The following FAM177B variants were observed in gnomAD, a reference collection of about 807,000 sequenced individuals.
The protein encoded by FAM177B is protein FAM177B.
Under a neutral mutation model 16.1 loss-of-function variants are expected in FAM177B, and 16 were observed. That is an observed-to-expected ratio of 0.99 (90% confidence interval 0.67 to 1.51). FAM177B has a LOEUF of 1.51. FAM177B is among the 40% of genes most tolerant of loss of function. The pLI is 0.00. For synonymous variants in FAM177B, 56 were observed against 59.9 expected, an observed-to-expected ratio of 0.93 and a Z score of 0.30; for missense variants, 178 against 183.7, an observed-to-expected ratio of 0.97 and a Z score of 0.18.
chr1:222,746,348 T>C (rs1004427821), intron 2 of FAM177B, among the ~76,000 whole-genome samples, 183 bp from the exon 3 acceptor site: 1 of 152,258 alleles, frequency 6.6e-6, no homozygotes, highest in African/African-American at 2.4e-5. Flanking sequence ...ACGTTTTCGC[T>C]ATTTATCAAA....
chr1:222,745,168 A>G (rs369250983), intron 2 of FAM177B, among the ~76,000 whole-genome samples: 2 of 152,222 alleles, frequency 1.3e-5, no homozygotes, highest in African/African-American at 2.4e-5. Flanking sequence ...TTGTTTATCC[A>G]TCGTCAGTGG....
intron 3 of FAM177B, 115 bp downstream of exon 3, chr1:222,746,834 C>CT: frequency 1.9e-6 from 2 of 1,043,934 alleles, no homozygotes; most frequent in Non-Finnish European, 1.4e-6. Flanking sequence ...CCTTGGTCTC[C>CT]TTTTTTGCTT....
At chr1:222,744,856 C>T (rs1186980240) in intron 2 of FAM177B, among the ~76,000 whole-genome samples, 2 of 152,144 alleles carry the variant, frequency 1.3e-5, no homozygotes, top group African/African-American at 4.8e-5. Flanking sequence ...ACAAATTATA[C>T]AGTCAAGTAA....
intron 2 of FAM177B, among the ~76,000 whole-genome samples, chr1:222,744,244 G>T (rs1658682998): frequency 6.6e-6 from 1 of 152,156 alleles, no homozygotes; most frequent in Non-Finnish European, 1.5e-5. Flanking sequence ...GCCGAGGCGG[G>T]TGGATCACCT....
In FAM177B at chr1:222,744,802, C is replaced by T. The variant is rs1248463873; in HGVS notation, c.-15-1729C>T. ...GCTTTATTAAGATATACCTTAAATACAATAAAATGAACTAATTTTAAGTGT... is the reference window on the plus strand; with the variant it reads ...GCTTTATTAAGATATACCTTAAATATAATAAAATGAACTAATTTTAAGTGT... On this transcript the variant is annotated intron_variant, in intron 2 of 5. Transcript: ENST00000445590. Among the ~76,000 whole-genome samples the T allele has an allele frequency of 2.6e-5, 4 of 152,106 alleles. No homozygotes were observed. The East Asian group carries it at 7.7e-4, about 29-fold the overall frequency.
intron 2 of FAM177B, among the ~76,000 whole-genome samples, chr1:222,739,298 A>G (rs775210497): frequency 1.3e-5 from 2 of 152,348 alleles, no homozygotes; most frequent in Middle Eastern, 3.4e-3. Flanking sequence ...GAAAAAAAAT[A>G]GACAAGATGT....
chr1:222,739,646 T>A (rs1239521178), intron 2 of FAM177B: 1 of 152,160 alleles, frequency 6.6e-6, no homozygotes, highest in Non-Finnish European at 1.5e-5. Context: ...TCAAACATGT[T>A]CCACCCTGTA....
intron 2 of FAM177B, among the ~76,000 whole-genome samples, chr1:222,742,838 A>G (rs1335321856): frequency 2.6e-5 from 4 of 152,088 alleles, no homozygotes; most frequent in Non-Finnish European, 5.9e-5. Flanking sequence ...TTCTTTTCCA[A>G]GTCAGTCTTC....
At position 222,746,697 on chromosome 1, in the gene FAM177B, G is replaced by C; in HGVS notation, c.152G>C (p.Ser51Thr). The change falls in exon 3 of 6, where the codon AGC becomes ACC. Residue 51 changes from serine to threonine, a missense_variant. Ser to Thr is a moderately conservative substitution (Grantham distance 58). Coordinates refer to ENST00000445590, the MANE Select transcript of FAM177B (RefSeq NM_001394345.1). ...EEEEEEKEEQ[S>T]TNSTLDPSKL... ...GAGGAAGAGGAAAAGGAGGAGCAGA[G>C]CACAAATTCAACACTTGACCCTGTA... 2 of 1,612,248 alleles carry C rather than the reference G, an allele frequency of 1.2e-6. No homozygotes were observed. Among genetic ancestry groups the C allele is most frequent in the Non-Finnish European group, 1.7e-6 (2 of 1,178,984 alleles).
At chr1:222,746,784 G>A (rs1658819313) in intron 3 of FAM177B, 65 bp downstream of exon 3, 2 of 1,339,026 alleles carry the variant, frequency 1.5e-6, no homozygotes, top group Non-Finnish European at 2.1e-6. Flanking sequence ...AAGAGATTGA[G>A]CCAGACAAGG....
At chr1:222,748,914 A>G (rs766494109) in intron 4 of FAM177B, 1 of 402,586 alleles carries the variant, frequency 2.5e-6, no homozygotes, top group Non-Finnish European at 5.1e-6. Flanking sequence ...TTAGGAAACC[A>G]CTCATTATTC....
At position 222,749,041 on chromosome 1, in the gene FAM177B, A is replaced by G. The variant is rs142105025; in HGVS notation, c.242-424A>G. 2,033 of 472,300 alleles carry G rather than the reference A, an allele frequency of 4.3e-3. 10 individuals carry two copies. The highest frequency in any genetic ancestry group is 6.3e-3 in the South Asian group (406 of 64,480). The allele number at this position is 472,300 out of a possible 1,614,324, so 29.3% of individuals were successfully genotyped here. A position where few individuals can be genotyped will look rare whatever the true frequency, so the allele number is the denominator to read the frequency against. On this transcript the variant is annotated intron_variant, in intron 4 of 5. Transcript: ENST00000445590. ...ACTTCTGAGAAGTCTGTCTGGATGCATGGAAGAATTCCTGATGTGGGTCTT... is the reference window on the plus strand; with the variant it reads ...ACTTCTGAGAAGTCTGTCTGGATGCGTGGAAGAATTCCTGATGTGGGTCTT...
At position 222,750,265 on chromosome 1, in the gene FAM177B, A is replaced by G; in HGVS notation, c.*207A>G. 3 of 1,364,192 alleles carry G rather than the reference A, an allele frequency of 2.2e-6. No homozygotes were observed. The highest frequency in any genetic ancestry group is 2.8e-6 in the Non-Finnish European group (3 of 1,063,712). 84.5% of individuals were successfully genotyped at this position (1,364,192 alleles called of 1,614,324 possible). On this transcript the variant is annotated 3_prime_UTR_variant, in exon 6 of 6. Coordinates refer to ENST00000445590, the MANE Select transcript of FAM177B (RefSeq NM_001394345.1). ...CAAGCAATAATGAGAGTAATTTTGG[A>G]CACTTTCTCAGAATAATTTCTATAT...
chr1:222,749,795 T>C, intron 5 of FAM177B, 126 bp from the exon 6 acceptor site: 1 of 1,014,862 alleles, frequency 9.9e-7, no homozygotes, highest in Non-Finnish European at 1.5e-6. Flanking sequence ...TAGAAGAAGG[T>C]AGTTGGGTGA....
chr1:222,743,763 G>A (rs1280928985), intron 2 of FAM177B, among the ~76,000 whole-genome samples: 1 of 152,120 alleles, frequency 6.6e-6, no homozygotes, highest in Non-Finnish European at 1.5e-5. Context: ...TTATAGATAA[G>A]ATAGTATTTT....
intron 4 of FAM177B, chr1:222,748,884 A>G (rs1265381377): frequency 2.8e-6 from 1 of 361,018 alleles, no homozygotes; most frequent in African/African-American, 2.2e-5. Flanking sequence ...TGTAAAGGAA[A>G]ACTTTTCTAG....
Position 222,749,949 on chromosome 1 carries a change from G to A in FAM177B, c.368G>A (p.Gly123Glu), listed in dbSNP as rs376729517. The A allele has an allele frequency of 6.2e-7, 1 of 1,614,094 alleles. No individual in the cohort carries two copies. The highest frequency in any genetic ancestry group is 1.3e-5 in the African/African-American group (1 of 75,052). Residue 123 changes from glycine (G) to glutamate (E), a missense_variant, in exon 6 of 6, where the codon GGA becomes GAA. Physicochemically the swap from Gly to Glu is moderately conservative, Grantham distance 98. Transcript: ENST00000445590. ...KKSDNKSERR[G>E]SKAQAAEVPN... ...AGTGACAACAAAAGTGAAAGGAGAG[G>A]ATCAAAGGCCCAGGCAGCTGAGGTT...
Position 222,750,064 on chromosome 1 carries a change from C to A in FAM177B, c.*6C>A, listed in dbSNP as rs775906621. On this transcript the variant is annotated 3_prime_UTR_variant, in exon 6 of 6. Transcript: ENST00000445590. The stretch of plus-strand genomic sequence containing the variant: ...CAGAGGCCATTCCTCAGTGAAGCAC[C>A]TCATCCAGGGAGGGTCTGGTGGCAG... 1 of 1,611,684 alleles carries A rather than the reference C, an allele frequency of 6.2e-7. No individual in the cohort carries two copies. Among genetic ancestry groups the A allele is most frequent in the East Asian group, 2.2e-5 (1 of 44,822 alleles).
At chr1:222,743,433 C>G (rs1451230478) in intron 2 of FAM177B, among the ~76,000 whole-genome samples, 1 of 152,118 alleles carries the variant, frequency 6.6e-6, no homozygotes, top group Non-Finnish European at 1.5e-5. Flanking sequence ...TCTGGGATTA[C>G]AGGCGTGAGC....
Sources: gnomAD v4.1 joint callset for allele counts (sites outside exome capture counted in the v4.1 genomes callset) on GRCh38, gnomAD v4.1.1 for gene constraint, MANE v1.5 for transcripts, NCBI Gene and HGNC (gene_info 2026-07-23, HGNC 2026-07-21) for gene names.